Variants in AKT3 observed in about 807,000 individuals in gnomAD.
The protein encoded by AKT3 is AKT serine/threonine kinase 3.
In AKT3, 15 loss-of-function variants were observed where a neutral mutation model predicts 65.3. The ratio of observed to expected loss-of-function variants is 0.23; its 90% CI spans 0.15 to 0.35. The LOEUF (loss-of-function observed/expected upper bound fraction) is 0.35. Among genes scored for constraint, AKT3 ranks in the 10% least tolerant of loss-of-function variants. The pLI, the probability that AKT3 is intolerant of heterozygous loss-of-function variation, is 1.00. For missense variants in AKT3, 243 were observed against 576.5 expected (o/e 0.42, Z 5.92); for synonymous variants, 206 against 183.8 (o/e 1.12, Z -0.98).
chr1:243,584,421 T>C (rs1451480460), intron 8 of AKT3, among the ~76,000 whole-genome samples: 1 of 151,674 alleles, frequency 6.6e-6, no homozygotes, highest in Non-Finnish European at 1.5e-5. Context: ...CTGAAACTAT[T>C]CCAAAAAAAT....
rs558312709 is a variant in AKT3, at chr1:243,582,529, A to C, written c.697-9481T>G. On this transcript the variant is annotated intron_variant, in intron 8 of 13. Coordinates refer to ENST00000673466, the MANE Select transcript of AKT3 (RefSeq NM_005465.7). ...AACCAAGCTTCATAAGTGAATAAGAAGTAAAATCTTTTCCAGACAAACAAG... is the reference window on the plus strand; with the variant it reads ...AACCAAGCTTCATAAGTGAATAAGACGTAAAATCTTTTCCAGACAAACAAG... 7.2e-4 allele frequency among the ~76,000 whole-genome samples: 110 copies of C among 152,130 alleles called. 1 individual carries two copies. The highest frequency in any genetic ancestry group is 3.4e-3 in the Middle Eastern group (1 of 294).
intron 11 of AKT3, among the ~76,000 whole-genome samples, chr1:243,549,467 TG>T (rs1672893173): frequency 6.6e-6 from 1 of 152,140 alleles, no homozygotes; most frequent in Non-Finnish European, 1.5e-5. Context: ...CTCACTCTAT[TG>T]CCCAGGCTGG....
Position 243,695,040 on chromosome 1 carries a change from T to C in AKT3, c.172+551A>G, listed in dbSNP as rs116468219. Among the ~76,000 whole-genome samples the C allele has an allele frequency of 5.7e-3, 868 of 152,100 alleles. 11 individuals carry two copies. Among genetic ancestry groups the C allele is most frequent in the African/African-American group, 0.02 (821 of 41,582 alleles). On this transcript the variant is annotated intron_variant, in intron 3 of 13. Transcript: ENST00000673466. ...TAATAATCATTGTCATTATCATCAT[T>C]GTCATCTTTCAGTTTATTTTGTGCT... is the stretch of plus-strand genomic sequence containing the variant.
At chr1:243,678,012 T>TGGGAGGCGGAGGTTGCA (rs1473199766) in intron 3 of AKT3, among the ~76,000 whole-genome samples, 1 of 151,904 alleles carries the variant, frequency 6.6e-6, no homozygotes, top group Non-Finnish European at 1.5e-5. Context: ...TGCTTGAATC[T>TGGGAGGCGGAGGTTGCA]GGGAGGCGGA....
chr1:243,713,150 A>G (rs2148080594), intron 2 of AKT3, among the ~76,000 whole-genome samples: 1 of 152,342 alleles, frequency 6.6e-6, no homozygotes, highest in South Asian at 2.1e-4. Context: ...TAAAACGTTC[A>G]TGTATGCATT....
At chr1:243,815,167 GCT>G (rs1159161233) in intron 2 of AKT3, among the ~76,000 whole-genome samples, 2 of 152,030 alleles carry the variant, frequency 1.3e-5, no homozygotes, top group Non-Finnish European at 2.9e-5. Context: ...ACAGTTCCCT[GCT>G]CTTTTTTCTT....
chr1:243,807,781 C>T (rs1692839342), intron 2 of AKT3, among the ~76,000 whole-genome samples: 1 of 152,200 alleles, frequency 6.6e-6, no homozygotes, highest in African/African-American at 2.4e-5. Context: ...GGAGGCAACC[C>T]CCAGTAGGGG....
chr1:243,806,313 T>C (rs927571559), intron 2 of AKT3, among the ~76,000 whole-genome samples: 4 of 152,186 alleles, frequency 2.6e-5, no homozygotes, highest in African/African-American at 9.7e-5. Flanking sequence ...TTTGTTTCTT[T>C]AGTTGCTATA....
At chr1:243,623,078 T>C (rs1253858360) in intron 6 of AKT3, among the ~76,000 whole-genome samples, 3 of 152,242 alleles carry the variant, frequency 2.0e-5, no homozygotes, top group Non-Finnish European at 2.9e-5. Context: ...TGAAATATTC[T>C]GCCTGGTCAG....
intron 4 of AKT3, among the ~76,000 whole-genome samples, chr1:243,662,186 C>A (rs1682405346): frequency 6.6e-6 from 1 of 152,104 alleles, no homozygotes; most frequent in Admixed American, 6.5e-5. Context: ...TACCATTTGA[C>A]CCAGCCATCC....
intron 12 of AKT3, among the ~76,000 whole-genome samples, chr1:243,530,272 G>T (rs1230721889): frequency 1.3e-5 from 2 of 152,080 alleles, no homozygotes; most frequent in African/African-American, 4.8e-5. Flanking sequence ...TGCAAACATG[G>T]ATGGTTTAAC....
chr1:243,689,104 TA>T (rs1261084881), intron 3 of AKT3, among the ~76,000 whole-genome samples: 1 of 152,182 alleles, frequency 6.6e-6, no homozygotes, highest in Non-Finnish European at 1.5e-5. Context: ...TTTTGGCAAT[TA>T]ATCCTATTTT....
intron 11 of AKT3, among the ~76,000 whole-genome samples, chr1:243,549,454 G>A (rs771637725): frequency 2.1e-4 from 32 of 151,928 alleles, no homozygotes; most frequent in Non-Finnish European, 3.8e-4. Context: ...AAAAAGACAG[G>A]GACTCACTCT....
chr1:243,713,996 T>G (rs1457662884), intron 2 of AKT3, among the ~76,000 whole-genome samples: 3 of 152,122 alleles, frequency 2.0e-5, no homozygotes, highest in Admixed American at 6.6e-5. Flanking sequence ...CTGTTTTGCG[T>G]CAAGAGTTCT....
At position 243,771,852 on chromosome 1, in the gene AKT3, T is replaced by G. The variant is rs1034332523; in HGVS notation, c.46+71273A>C. Reference sequence around the variant, plus strand: ...GTACCAAAACAGAGATACAGACCAATGGAACAGAACAGAGCCCTCAGAAAT... The same window carrying G: ...GTACCAAAACAGAGATACAGACCAAGGGAACAGAACAGAGCCCTCAGAAAT... On this transcript the variant is annotated intron_variant, in intron 2 of 13. Transcript: ENST00000673466. 1.6e-4 allele frequency among the ~76,000 whole-genome samples: 25 copies of G among 152,084 alleles called. 1 individual carries two copies. The highest frequency in any genetic ancestry group is 3.1e-4 in the Non-Finnish European group (21 of 68,004).
intron 13 of AKT3, among the ~76,000 whole-genome samples, chr1:243,511,741 T>A (rs1670028395): frequency 6.6e-6 from 1 of 152,226 alleles, no homozygotes; most frequent in Non-Finnish European, 1.5e-5. Flanking sequence ...TTTCTCCAAG[T>A]GTGAGACATA....
At chr1:243,722,511 T>G (rs1414973610) in intron 2 of AKT3, among the ~76,000 whole-genome samples, 1 of 152,126 alleles carries the variant, frequency 6.6e-6, no homozygotes, top group African/African-American at 2.4e-5. Flanking sequence ...AACTTCACCA[T>G]TTCTAGTAAT....
At chr1:243,790,478 G>T (rs1401968412) in intron 2 of AKT3, among the ~76,000 whole-genome samples, 1 of 152,174 alleles carries the variant, frequency 6.6e-6, no homozygotes, top group Non-Finnish European at 1.5e-5. Context: ...CCTGCCTCTG[G>T]ATTAGGCTTT....
intron 12 of AKT3, among the ~76,000 whole-genome samples, chr1:243,539,758 G>A (rs1672183497): frequency 6.6e-6 from 1 of 152,106 alleles, no homozygotes; most frequent in Admixed American, 6.6e-5. Flanking sequence ...GGAATCACAA[G>A]GGGAATTAAA....
Sources: allele counts gnomAD v4.1 joint callset (sites outside exome capture counted in the v4.1 genomes callset), GRCh38; gene constraint gnomAD v4.1.1; transcripts MANE v1.5; gene names NCBI Gene and HGNC (gene_info 2026-07-23, HGNC 2026-07-21).